The following TET2 variants were observed in gnomAD, a reference collection of about 807,000 sequenced individuals.
The protein encoded by TET2 is methylcytosine dioxygenase TET2.
TET2 carries 299 observed loss-of-function variants against 142.9 expected under a neutral mutation model. The ratio of observed to expected loss-of-function variants is 2.09; its 90% CI spans 1.90 to 2.30. TET2 has a LOEUF of 2.30. Ranked by LOEUF, TET2 falls within the 30% of genes most tolerant of loss-of-function variation. TET2 has a pLI of 0.00. For missense variants in TET2, 2,418 were observed against 2,378.0 expected (o/e 1.02, Z -0.35); for synonymous variants, 819 against 849.0 (o/e 0.96, Z 0.61).
rs138270459 is a variant in TET2, at chr4:105,235,536, T to C, written c.1594T>C (p.Leu532=). ...AGAGCTACAGGACAACTGCCAGCAG[T>C]TGATGAGAAACAAAGAGCAAGAGAT... The part of the protein sequence containing the change: ...SGELQDNCQQ[L]MRNKEQEILK... Residue 532 remains leucine (L), a synonymous_variant, in exon 3 of 11, where the codon TTG becomes CTG. Transcript: ENST00000380013. The C allele has an allele frequency of 3.0e-5, 49 of 1,613,898 alleles. 1 individual carries two copies. The African/African-American group carries it at 4.1e-4, about 14-fold the overall frequency.
rs1177188378 is a variant in TET2, at chr4:105,233,927, C to T, written c.-16C>T. 6.2e-6 allele frequency: 10 copies of T among 1,601,868 alleles called. No individual in the cohort carries two copies. Among genetic ancestry groups the T allele is most frequent in the African/African-American group, 1.3e-5 (1 of 74,378 alleles). On this transcript the variant is annotated 5_prime_UTR_variant, in exon 3 of 11. Transcript: ENST00000380013. Reference sequence around the variant, plus strand: ...AACTAGAGGGCAGCCTTGTGGATGGCCCCGAAGCAAGCCTGATGGAACAGG... The same window carrying T: ...AACTAGAGGGCAGCCTTGTGGATGGTCCCGAAGCAAGCCTGATGGAACAGG...
At chr4:105,176,722 A>G (rs887761647) in intron 1 of TET2, among the ~76,000 whole-genome samples, 1 of 152,214 alleles carries the variant, frequency 6.6e-6, no homozygotes, top group Non-Finnish European at 1.5e-5. Context: ...GTGCAATGCC[A>G]TTAAAAAACA....
intron 2 of TET2, among the ~76,000 whole-genome samples, chr4:105,225,185 C>CGTGCGTGTGTGTGT (rs1553912311): frequency 1.4e-5 from 2 of 147,104 alleles, no homozygotes; most frequent in Admixed American, 1.4e-4. Context: ...AGTAAAAAAT[C>CGTGCGTGTGTGTGT]GTGTGTGTGT....
intron 2 of TET2, among the ~76,000 whole-genome samples, chr4:105,232,497 C>G (rs959166834): frequency 6.6e-6 from 1 of 152,158 alleles, no homozygotes. Context: ...GATAAGTGTT[C>G]CCTTTTCTCT....
At chr4:105,228,185 A>G (rs1376920399) in intron 2 of TET2, among the ~76,000 whole-genome samples, 1 of 152,164 alleles carries the variant, frequency 6.6e-6, no homozygotes, top group Non-Finnish European at 1.5e-5. Context: ...TTAAAGTAAA[A>G]GAAAATATTG....
At chr4:105,191,314 A>G (rs1325086332) in intron 2 of TET2, among the ~76,000 whole-genome samples, 2 of 152,178 alleles carry the variant, frequency 1.3e-5, no homozygotes, top group East Asian at 3.8e-4. Context: ...GTCCCAACCT[A>G]AGGGTTGTCA....
At chr4:105,265,850 ACC>A (rs1402518157) in intron 8 of TET2, among the ~76,000 whole-genome samples, 2 of 152,054 alleles carry the variant, frequency 1.3e-5, no homozygotes, top group African/African-American at 4.8e-5. Flanking sequence ...ACCTATAAAT[ACC>A]CCAGTTTACT....
intron 2 of TET2, among the ~76,000 whole-genome samples, chr4:105,194,246 A>AT (rs1725951368): frequency 6.6e-6 from 1 of 152,098 alleles, no homozygotes; most frequent in Admixed American, 6.6e-5. Flanking sequence ...TAACATACAC[A>AT]TTTTACCCTT....
chr4:105,161,313 ATTAC>A (rs764615694), intron 1 of TET2, among the ~76,000 whole-genome samples: 1 of 152,202 alleles, frequency 6.6e-6, no homozygotes, highest in East Asian at 1.9e-4. Flanking sequence ...TTTAGTGTTT[ATTAC>A]TTATAATTTA....
At chr4:105,265,907 A>G (rs1231052428) in intron 8 of TET2, among the ~76,000 whole-genome samples, 2 of 152,126 alleles carry the variant, frequency 1.3e-5, no homozygotes, top group African/African-American at 4.8e-5. Flanking sequence ...TAGGAACCCA[A>G]ACACACCCAG....
At position 105,237,096 on chromosome 4, in the gene TET2, AAG is replaced by A; in HGVS notation, c.3155_3156del (p.Lys1052ThrfsTer5). ...TAAGGCTCTTACTCTCAAATCACAG[AAG>A]CAAGTAAAAGTTGAAATGTCAGGGC... ...DHKALTLKSQ[K>X]QVKVEMSGPV... On this transcript the variant is annotated frameshift_variant, in exon 3 of 11. Transcript: ENST00000380013. LOFTEE classifies it high-confidence loss of function. The A allele has an allele frequency of 6.2e-7, 1 of 1,614,164 alleles. No homozygotes were observed. The highest frequency in any genetic ancestry group is 8.5e-7 in the Non-Finnish European group (1 of 1,180,020).
At position 105,221,821 on chromosome 4, in the gene TET2, G is replaced by A. The variant is rs575009449; in HGVS notation, c.-46-12076G>A. On this transcript the variant is annotated intron_variant, in intron 2 of 10. Coordinates refer to ENST00000380013, the MANE Select transcript of TET2 (RefSeq NM_001127208.3). ...GCTGGTGCGCTGCACCCACTAACTC[G>A]TCATCTAGCATTAGGTGTATCTCCC... Among the ~76,000 whole-genome samples, 1,011 of 151,388 alleles carry A rather than the reference G, an allele frequency of 6.7e-3. 5 individuals are homozygous for A. Among genetic ancestry groups the A allele is most frequent in the Non-Finnish European group, 0.011 (744 of 67,856 alleles).
chr4:105,169,032 G>T (rs1350784426), intron 1 of TET2, among the ~76,000 whole-genome samples: 1 of 152,172 alleles, frequency 6.6e-6, no homozygotes, highest in Non-Finnish European at 1.5e-5. Flanking sequence ...ATTGCAAATT[G>T]TGCTGCTATA....
At chr4:105,184,082 A>G (rs1216220685) in intron 1 of TET2, among the ~76,000 whole-genome samples, 1 of 152,182 alleles carries the variant, frequency 6.6e-6, no homozygotes, top group African/African-American at 2.4e-5. Flanking sequence ...GAGGTCAAGT[A>G]TTAGCCAGTG....
rs762289112 is a variant in TET2 at position 105,234,016 on chromosome 4, G to T, written c.74G>T (p.Cys25Phe). 20 of 1,613,892 alleles carry T rather than the reference G, an allele frequency of 1.2e-5. No homozygotes were observed. Among genetic ancestry groups the T allele is most frequent in the Non-Finnish European group, 1.4e-5 (17 of 1,179,984 alleles). The change falls in exon 3 of 11, where the codon TGC becomes TTC. Residue 25 changes from cysteine to phenylalanine, a missense_variant. Coordinates refer to ENST00000380013, the MANE Select transcript of TET2 (RefSeq NM_001127208.3). ...TTCCTGATACCATCACCTCCCATTT[G>T]CCAGACAGAACCTCTGGCTACAAAG... ...SPFLIPSPPI[C>F]QTEPLATKLQ...
intron 1 of TET2, among the ~76,000 whole-genome samples, chr4:105,180,970 A>C (rs2110449853): frequency 6.6e-6 from 1 of 152,162 alleles, no homozygotes; most frequent in South Asian, 2.1e-4. Flanking sequence ...AAATCCTCAA[A>C]TATATCCCTC....
chr4:105,250,959 G>A lies in TET2; in HGVS notation c.3803+7181G>A, dbSNP rs368543411. On this transcript the variant is annotated intron_variant, in intron 6 of 10. Coordinates refer to ENST00000380013, the MANE Select transcript of TET2 (RefSeq NM_001127208.3). Reference sequence around the variant, plus strand: ...GGCCTCCCAAAGTACTGGGATTACAGGCATGAGCCACCACGCCTGGCCTGT... The same window carrying A: ...GGCCTCCCAAAGTACTGGGATTACAAGCATGAGCCACCACGCCTGGCCTGT... 9.9e-5 allele frequency among the ~76,000 whole-genome samples: 15 copies of A among 152,256 alleles called. No individual in the cohort carries two copies. In the East Asian group the frequency reaches 1.9e-3, roughly 20 times the overall value.
At chr4:105,183,460 T>C (rs188366115) in intron 1 of TET2, among the ~76,000 whole-genome samples, 177 of 152,284 alleles carry the variant, frequency 1.2e-3, no homozygotes, top group Non-Finnish European at 2.2e-3. Flanking sequence ...ATATTTTTTA[T>C]CTCAAATTCG....
At chr4:105,169,712 G>A (rs1724351237) in intron 1 of TET2, among the ~76,000 whole-genome samples, 1 of 152,148 alleles carries the variant, frequency 6.6e-6, no homozygotes, top group African/African-American at 2.4e-5. Context: ...TATAGTTTCA[G>A]CACGTAGATT....
Sources: allele counts gnomAD v4.1 joint callset (sites outside exome capture counted in the v4.1 genomes callset), GRCh38; gene constraint gnomAD v4.1.1; transcripts MANE v1.5; gene names NCBI Gene and HGNC (gene_info 2026-07-23, HGNC 2026-07-21).